The following PROSER2 variants were observed in gnomAD, a reference collection of about 807,000 sequenced individuals.
The protein encoded by PROSER2 is proline and serine rich 2.
A neutral mutation model predicts 14.6 loss-of-function variants in PROSER2; 18 were observed. The ratio of observed to expected loss-of-function variants is 1.23; its 90% confidence interval spans 0.85 to 1.83. The LOEUF (loss-of-function observed/expected upper bound fraction) is 1.83, where lower values mean the gene tolerates loss of function less well. Ranked by LOEUF, PROSER2 falls within the 40% of genes most tolerant of loss-of-function variation. The pLI, the probability that PROSER2 is intolerant of heterozygous loss-of-function variation, is 0.00. For missense variants in PROSER2, 823 were observed against 629.8 expected (o/e 1.31, Z -3.28); for synonymous variants, 367 against 286.4 (o/e 1.28, Z -2.84).
At chr10:11,847,154 A>AATAAATATATATATATAT (rs1197050251) in intron 1 of PROSER2, among the ~76,000 whole-genome samples, 14 of 88,240 alleles carry the variant, frequency 1.6e-4, no homozygotes, top group African/African-American at 5.0e-4. Context: ...AACATAAATA[A>AATAAATATATATATATAT]ATATATATAT....
intron 1 of PROSER2, among the ~76,000 whole-genome samples, chr10:11,847,159 ATATATAT>A (rs1564306411): frequency 4.8e-5 from 7 of 145,930 alleles, no homozygotes; most frequent in Admixed American, 1.4e-4. Flanking sequence ...AAATAAATAT[ATATATAT>A]ATATATATAT....
chr10:11,858,059 C>T (rs1361059500), intron 2 of PROSER2, among the ~76,000 whole-genome samples: 2 of 152,272 alleles, frequency 1.3e-5, no homozygotes, highest in African/African-American at 2.4e-5. Flanking sequence ...TTTAGCCTCC[C>T]AAGTAGCTGG....
chr10:11,824,072 G>A (rs1833578702), intron 1 of PROSER2, among the ~76,000 whole-genome samples: 1 of 152,218 alleles, frequency 6.6e-6, no homozygotes, highest in Non-Finnish European at 1.5e-5. Flanking sequence ...TTTCTCCAAG[G>A]CTTTGAAAGT....
intron 2 of PROSER2, chr10:11,857,206 G>T (rs572546459): frequency 6.6e-6 from 1 of 152,004 alleles, no homozygotes; most frequent in Non-Finnish European, 1.5e-5. Context: ...CACTTGGGGT[G>T]TGTCTGTCTC....
At chr10:11,841,182 A>G (rs912204706) in intron 1 of PROSER2, among the ~76,000 whole-genome samples, 11 of 151,498 alleles carry the variant, frequency 7.3e-5, no homozygotes, top group African/African-American at 1.9e-4. Context: ...ATTCTTGAAT[A>G]AGCTTTAACG....
At chr10:11,847,406 GTTGTT>G (rs1360801056) in intron 1 of PROSER2, among the ~76,000 whole-genome samples, 1 of 151,362 alleles carries the variant, frequency 6.6e-6, no homozygotes, top group African/African-American at 2.5e-5. Flanking sequence ...ATTCTGTTTT[GTTGTT>G]TTGTTTTGTT....
In PROSER2 at chr10:11,838,877, T is replaced by C. The variant is rs1833797796; in HGVS notation, c.-81-13120T>C. Among the ~76,000 whole-genome samples the C allele has an allele frequency of 2.0e-5, 3 of 152,348 alleles. No individual in the cohort carries two copies. Among genetic ancestry groups the C allele is most frequent in the Admixed American group, 6.5e-5 (1 of 15,306 alleles). On this transcript the variant is annotated intron_variant, in intron 1 of 3. Coordinates refer to ENST00000277570, the MANE Select transcript of PROSER2 (RefSeq NM_153256.4). This position sits in a 1 kb window ranked among gnomAD's most constrained non-coding sequence, Gnocchi z 4.4. The stretch of plus-strand genomic sequence containing the variant: ...TTAGAAGGTTTTCTTATATTCTAGC[T>C]ATCAATTCCTTATACGTATTAGACA...
chr10:11,845,810 C>G (rs1833916461), intron 1 of PROSER2, among the ~76,000 whole-genome samples: 1 of 152,112 alleles, frequency 6.6e-6, no homozygotes, highest in Non-Finnish European at 1.5e-5. Context: ...GCAAGGGTGC[C>G]CATCTGATAC....
At chr10:11,848,135 T>C (rs1298791937) in intron 1 of PROSER2, among the ~76,000 whole-genome samples, 1 of 151,968 alleles carries the variant, frequency 6.6e-6, no homozygotes, top group East Asian at 1.9e-4. Context: ...TGCCCCACTC[T>C]GGTTTGTTTT....
chr10:11,824,410 G>A (rs925948240), intron 1 of PROSER2, among the ~76,000 whole-genome samples: 2 of 152,190 alleles, frequency 1.3e-5, no homozygotes, highest in Admixed American at 6.5e-5. Flanking sequence ...ATACTCATAG[G>A]AGAAAACTTT....
chr10:11,829,230 G>A, intron 1 of PROSER2, among the ~76,000 whole-genome samples: 1 of 151,674 alleles, frequency 6.6e-6, no homozygotes, highest in East Asian at 1.9e-4. Flanking sequence ...ATGAACAAGG[G>A]GAAGACACCT....
chr10:11,843,568 C>G (rs1456852595), intron 1 of PROSER2, among the ~76,000 whole-genome samples: 3 of 152,134 alleles, frequency 2.0e-5, no homozygotes, highest in African/African-American at 7.2e-5. Flanking sequence ...CGCCTATAGT[C>G]CCAGCTACTC....
intron 1 of PROSER2, among the ~76,000 whole-genome samples, chr10:11,835,597 A>G (rs201410527): frequency 2.6e-5 from 4 of 152,344 alleles, no homozygotes; most frequent in Middle Eastern, 3.4e-3. Context: ...TCTTGACATC[A>G]TTCATTGCTT....
At chr10:11,855,010 T>G (rs1476969397) in intron 2 of PROSER2, among the ~76,000 whole-genome samples, 1 of 152,114 alleles carries the variant, frequency 6.6e-6, no homozygotes, top group Non-Finnish European at 1.5e-5. Context: ...GATTAGTCAG[T>G]CAACAGCGTT....
Position 11,870,946 on chromosome 10 carries a change from T to G in PROSER2, c.*540T>G, listed in dbSNP as rs1834477102. The G allele has an allele frequency of 6.5e-6, 1 of 154,494 alleles. No individual in the cohort carries two copies. The highest frequency in any genetic ancestry group is 2.4e-5 in the African/African-American group (1 of 41,474). The allele number at this position is 154,494 out of a possible 1,614,324, so 9.6% of individuals were successfully genotyped here. A position where few individuals can be genotyped will look rare whatever the true frequency, so the allele number is the denominator to read the frequency against. On this transcript the variant is annotated 3_prime_UTR_variant, in exon 4 of 4. Coordinates refer to ENST00000277570, the MANE Select transcript of PROSER2 (RefSeq NM_153256.4). ...ATCATGGTACTTTGCTTTTGTTTCTTGACGTACTTTAGTTTGCCCAGTTTT... is the reference window on the plus strand; with the variant it reads ...ATCATGGTACTTTGCTTTTGTTTCTGGACGTACTTTAGTTTGCCCAGTTTT...
rs1463042475 is a variant in PROSER2, at chr10:11,871,642, T to TA, written c.*1237dup. 2 of 152,224 alleles carry TA rather than the reference T, an allele frequency of 1.3e-5. No homozygotes were observed. The highest frequency in any genetic ancestry group is 4.8e-5 in the African/African-American group (2 of 41,462). The allele number at this position is 152,224 out of a possible 1,614,324, so 9.4% of individuals were successfully genotyped here. A position where few individuals can be genotyped will look rare whatever the true frequency, so the allele number is the denominator to read the frequency against. On this transcript the variant is annotated 3_prime_UTR_variant, in exon 4 of 4. Transcript: ENST00000277570. ...ACCGGTTTCCTCCCAGACTATGTCT[T>TA]ACACGCTGAGTTATGCCACAAGCGT...
intron 1 of PROSER2, among the ~76,000 whole-genome samples, chr10:11,847,308 C>A (rs189167742): frequency 5.5e-4 from 83 of 152,244 alleles, no homozygotes; most frequent in Middle Eastern, 6.8e-3. Context: ...GATTGCTGTT[C>A]CCAGCGCAGC....
intron 1 of PROSER2, chr10:11,850,415 T>C (rs941915577): frequency 2.0e-5 from 3 of 152,288 alleles, no homozygotes; most frequent in Non-Finnish European, 4.4e-5. Context: ...GCTCCTGAGA[T>C]GATGGCGGGA....
chr10:11,862,157 A>C lies in PROSER2; in HGVS notation c.139-4374A>C, dbSNP rs916433754. Among the ~76,000 whole-genome samples, 2 of 152,250 alleles carry C rather than the reference A, an allele frequency of 1.3e-5. No individual in the cohort carries two copies. The highest frequency in any genetic ancestry group is 4.8e-5 in the African/African-American group (2 of 41,474). On this transcript the variant is annotated intron_variant, in intron 2 of 3. Transcript: ENST00000277570. The surrounding 1 kb of genome is among the most constrained non-coding windows in gnomAD (Gnocchi z 4.2). ...ACCACACATCTAAATAAATGAAGCC[A>C]TGAGCCATATTCATGGGTCAAGAAA...
Sources: gnomAD v4.1 joint callset for allele counts (sites outside exome capture counted in the v4.1 genomes callset) on GRCh38, gnomAD v4.1.1 for gene constraint, Gnocchi (gnomAD v3.1) non-coding constraint, MANE v1.5 for transcripts, NCBI Gene and HGNC (gene_info 2026-07-23, HGNC 2026-07-21) for gene names.